Variants in KIAA1614 observed in about 807,000 individuals in gnomAD.
The protein encoded by KIAA1614 is uncharacterized protein KIAA1614.
A neutral mutation model predicts 88.7 loss-of-function variants in KIAA1614; 76 were observed. The observed-to-expected ratio is 0.86, with a 90% CI of 0.71 to 1.04. KIAA1614 has a LOEUF of 1.04. Among genes scored for constraint, KIAA1614 ranks in the 50% least tolerant of loss-of-function variants. KIAA1614 has a pLI of 0.00. For missense variants in KIAA1614, 1,553 were observed against 1,582.5 expected, an observed-to-expected ratio of 0.98 and a Z score of 0.32; for synonymous variants, 714 against 675.5, an observed-to-expected ratio of 1.06 and a Z score of -0.88.
intron 7 of KIAA1614, chr1:180,943,962 T>G: frequency 6.2e-6 from 1 of 160,584 alleles, no homozygotes; most frequent in Non-Finnish European, 1.4e-5. Context: ...CCACGATGTT[T>G]GAAGGTGCAA....
intron 3 of KIAA1614, among the ~76,000 whole-genome samples, chr1:180,921,443 A>G (rs1367209186): frequency 1.3e-5 from 2 of 152,174 alleles, no homozygotes; most frequent in Non-Finnish European, 2.9e-5. Context: ...ACTGAGAGAG[A>G]GACCTCTGTG....
chr1:180,942,248 T>C (rs1409632076), intron 7 of KIAA1614, among the ~76,000 whole-genome samples: 1 of 152,232 alleles, frequency 6.6e-6, no homozygotes, highest in Non-Finnish European at 1.5e-5. Context: ...GCACAATACA[T>C]ACTGAGTGGT....
chr1:180,913,329 C>T (rs977483346), intron 1 of KIAA1614, 36 bp downstream of exon 1: 1 of 1,226,202 alleles, frequency 8.2e-7, no homozygotes, highest in Non-Finnish European at 1.0e-6. Context: ...GCCGGCCGGG[C>T]GGGGGTGGCG....
chr1:180,916,506 C>T lies in KIAA1614; in HGVS notation c.403C>T (p.Leu135=), dbSNP rs1653804451. The change falls in exon 2 of 9, where the codon CTG becomes TTG. Residue 135 remains leucine (L), a synonymous_variant. Coordinates refer to ENST00000367588, the MANE Select transcript of KIAA1614 (RefSeq NM_020950.2). The stretch of plus-strand genomic sequence containing the variant: ...CGGGACTCCATCAGAGGGGTCTTTC[C>T]TGCCAGGTGCTGTGGTGGCTCCTCG... ...RAGTPSEGSF[L]PGAVVAPRTQ... is the part of the protein sequence containing the mutation. The T allele has an allele frequency of 1.9e-6, 3 of 1,613,940 alleles. No individual in the cohort carries two copies. Among genetic ancestry groups the T allele is most frequent in the South Asian group, 1.1e-5 (1 of 91,080 alleles).
chr1:180,917,236 A>G (rs966588441), intron 2 of KIAA1614, 136 bp downstream of exon 2: 20 of 677,390 alleles, frequency 3.0e-5, no homozygotes, highest in Non-Finnish European at 4.2e-5. Flanking sequence ...TGTCATCAAA[A>G]TCATCAGGAT....
At chr1:180,928,820 G>A (rs1400869187) in intron 4 of KIAA1614, among the ~76,000 whole-genome samples, 1 of 152,242 alleles carries the variant, frequency 6.6e-6, no homozygotes, top group Non-Finnish European at 1.5e-5. Flanking sequence ...GGGGGATGGA[G>A]GTCACAGTCT....
Position 180,916,899 on chromosome 1 carries a change from G to T in KIAA1614, c.796G>T (p.Val266Phe). Residue 266 changes from valine to phenylalanine, a missense_variant, in exon 2 of 9, where the codon GTC (valine) becomes TTC (phenylalanine). Coordinates refer to ENST00000367588, the MANE Select transcript of KIAA1614 (RefSeq NM_020950.2). Reference protein sequence around the residue: ...STSLTSEEVFVPRTALLGERW... With the variant: ...STSLTSEEVFFPRTALLGERW... The stretch of plus-strand genomic sequence containing the variant: ...ATCCCTGACCTCCGAGGAGGTCTTT[G>T]TCCCCAGGACGGCCCTGCTGGGTGA... 7 of 1,614,238 alleles carry T rather than the reference G, an allele frequency of 4.3e-6. No homozygotes were observed. Among genetic ancestry groups the T allele is most frequent in the Non-Finnish European group, 5.9e-6 (7 of 1,180,048 alleles).
chr1:180,939,514 C>G (rs1654409167), intron 6 of KIAA1614, among the ~76,000 whole-genome samples: 1 of 152,170 alleles, frequency 6.6e-6, no homozygotes, highest in Admixed American at 6.5e-5. Context: ...CCCACTGTAA[C>G]CCTCTGCAAG....
intron 6 of KIAA1614, 104 bp downstream of exon 6, chr1:180,938,815 C>A: frequency 9.6e-7 from 1 of 1,044,942 alleles, no homozygotes; most frequent in South Asian, 1.6e-5. Context: ...ACCTCCCTGC[C>A]CCTAGTCTTC....
intron 3 of KIAA1614, among the ~76,000 whole-genome samples, chr1:180,924,745 G>A (rs1654030705): frequency 6.6e-6 from 1 of 152,120 alleles, no homozygotes; most frequent in South Asian, 2.1e-4. Context: ...ACAAGATGGT[G>A]TTTGTCATTT....
At chr1:180,925,886 T>C (rs1263530552) in intron 3 of KIAA1614, among the ~76,000 whole-genome samples, 2 of 152,008 alleles carry the variant, frequency 1.3e-5, no homozygotes, top group Non-Finnish European at 2.9e-5. Context: ...GACCTCGAAA[T>C]CCCACACCCC....
At chr1:180,933,094 A>C (rs1273154314) in intron 4 of KIAA1614, among the ~76,000 whole-genome samples, 1 of 152,196 alleles carries the variant, frequency 6.6e-6, no homozygotes, top group Non-Finnish European at 1.5e-5. Flanking sequence ...TATGGGGGGA[A>C]ATGACTGGAG....
At chr1:180,917,137 G>A (rs1445220112) in intron 2 of KIAA1614, 37 bp downstream of exon 2, 2 of 1,543,820 alleles carry the variant, frequency 1.3e-6, no homozygotes, top group African/African-American at 2.8e-5. Context: ...GGTGGGGGGA[G>A]CAGGAGGGAA....
At chr1:180,918,536 G>A (rs1288254831) in intron 3 of KIAA1614, among the ~76,000 whole-genome samples, 1 of 152,232 alleles carries the variant, frequency 6.6e-6, no homozygotes, top group African/African-American at 2.4e-5. Context: ...CACTCAAGGT[G>A]GGAGTGGGGC....
chr1:180,920,782 C>T (rs555504130), intron 3 of KIAA1614, among the ~76,000 whole-genome samples: 1 of 152,136 alleles, frequency 6.6e-6, no homozygotes, highest in South Asian at 2.1e-4. Context: ...TGGGAGGCAA[C>T]GACCCAGGAC....
intron 6 of KIAA1614, among the ~76,000 whole-genome samples, chr1:180,939,110 T>TG (rs1484310783): frequency 7.3e-6 from 1 of 136,822 alleles, no homozygotes; most frequent in Non-Finnish European, 1.7e-5. Context: ...CAGGCAGAGC[T>TG]GGGGGGAGAA....
intron 3 of KIAA1614, among the ~76,000 whole-genome samples, chr1:180,921,438 G>C (rs10753227): frequency 0.98 from 149,007 of 152,318 alleles, 72,979 homozygotes; most frequent in Middle Eastern, 1. Flanking sequence ...GTTTCACTGA[G>C]AGAGAGACCT....
intron 7 of KIAA1614, among the ~76,000 whole-genome samples, chr1:180,943,327 G>C (rs1409779731): frequency 1.3e-5 from 2 of 151,540 alleles, no homozygotes; most frequent in Admixed American, 6.6e-5. Context: ...GTGCCCGGCT[G>C]TATATATGCC....
chr1:180,939,635 T>C (rs965051128), intron 6 of KIAA1614, among the ~76,000 whole-genome samples: 3 of 152,174 alleles, frequency 2.0e-5, no homozygotes, highest in Admixed American at 6.5e-5. Context: ...CCTTCACTCT[T>C]GCCCCTACAT....
Sources: gnomAD v4.1 joint callset for allele counts (sites outside exome capture counted in the v4.1 genomes callset) on GRCh38, gnomAD v4.1.1 for gene constraint, MANE v1.5 for transcripts, NCBI Gene and HGNC (gene_info 2026-07-23, HGNC 2026-07-21) for gene names.